Variants in ERC1 observed in about 807,000 individuals in gnomAD.
The protein encoded by ERC1 is RAB6 interacting protein 2.
A neutral mutation model predicts 132.0 loss-of-function variants in ERC1; 56 were observed. That is an observed-to-expected ratio of 0.42 (90% CI 0.34 to 0.53). The LOEUF (loss-of-function observed/expected upper bound fraction) is 0.53, where lower values mean the gene tolerates loss of function less well. ERC1 is among the 20% of genes least tolerant of loss of function. ERC1 has a pLI of 0.03. For synonymous variants in ERC1, 478 were observed against 476.1 expected (o/e 1.00, Z -0.05); for missense variants, 1,202 against 1,349.9 (o/e 0.89, Z 1.72).
intron 1 of ERC1, among the ~76,000 whole-genome samples, chr12:997,504 C>T (rs1961173146): frequency 3.3e-5 from 5 of 152,122 alleles, no homozygotes. Context: ...GTTTGAGGAA[C>T]TTGGTGTTAG....
At chr12:1,464,522 T>TC (rs1453484450) in intron 18 of ERC1, among the ~76,000 whole-genome samples, 1 of 135,816 alleles carries the variant, frequency 7.4e-6, no homozygotes, top group Non-Finnish European at 1.5e-5. Flanking sequence ...TTTTTTTTTT[T>TC]TTTTTTTTTT....
At chr12:1,340,423 C>T (rs1280017051) in intron 15 of ERC1, among the ~76,000 whole-genome samples, 2 of 152,166 alleles carry the variant, frequency 1.3e-5, no homozygotes, top group East Asian at 1.9e-4. Context: ...CCTCAGCTGA[C>T]GCGCTGCCCT....
intron 2 of ERC1, among the ~76,000 whole-genome samples, chr12:1,059,677 G>A (rs1003885654): frequency 2.0e-5 from 3 of 151,912 alleles, no homozygotes; most frequent in African/African-American, 4.8e-5. Context: ...TGCATCCCTG[G>A]GATAAATCCC....
At chr12:1,393,383 A>G (rs2090141816) in intron 16 of ERC1, among the ~76,000 whole-genome samples, 1 of 152,038 alleles carries the variant, frequency 6.6e-6, no homozygotes, top group East Asian at 1.9e-4. Flanking sequence ...AAAATTTTAA[A>G]AATTAGCTGG....
At chr12:1,002,812 T>C (rs973237466) in intron 1 of ERC1, among the ~76,000 whole-genome samples, 1 of 152,190 alleles carries the variant, frequency 6.6e-6, no homozygotes, top group African/African-American at 2.4e-5. Context: ...AGGAAACCTT[T>C]TGTGAAATGC....
intron 7 of ERC1, among the ~76,000 whole-genome samples, chr12:1,136,097 C>T (rs1949224896): frequency 1.3e-5 from 2 of 152,182 alleles, no homozygotes; most frequent in South Asian, 4.1e-4. Flanking sequence ...ACCTGGGAAC[C>T]CATGTTTGAC....
chr12:1,310,110 G>A (rs2081191262), intron 15 of ERC1, among the ~76,000 whole-genome samples: 1 of 151,514 alleles, frequency 6.6e-6, no homozygotes, highest in South Asian at 2.1e-4. Flanking sequence ...ACCATGCCTG[G>A]CTAATTTTTT....
At chr12:1,137,100 C>CTTTTTTTTTTTTTTTTTTTTTTCTT (rs944757047) in intron 7 of ERC1, among the ~76,000 whole-genome samples, 1 of 122,914 alleles carries the variant, frequency 8.1e-6, no homozygotes, top group African/African-American at 3.1e-5. Context: ...TTTTTCTTTT[C>CTTTTTTTTTTTTTTTTTTTTTTCTT]TTTTTTTTTT....
chr12:1,138,387 A>G (rs1949561205), intron 7 of ERC1, among the ~76,000 whole-genome samples: 1 of 143,494 alleles, frequency 7.0e-6, no homozygotes, highest in African/African-American at 2.6e-5. Context: ...ATAATATGTA[A>G]TACATAATAT....
chr12:1,139,961 T>C (rs1949717589), intron 7 of ERC1, among the ~76,000 whole-genome samples: 1 of 152,166 alleles, frequency 6.6e-6, no homozygotes, highest in Admixed American at 6.5e-5. Context: ...AGGTTAACTA[T>C]GTATATTAAA....
Position 1,183,399 on chromosome 12 carries a change from A to G in ERC1, c.2135A>G (p.Lys712Arg). 1.3e-6 allele frequency: 2 copies of G among 1,576,406 alleles called. No homozygotes were observed. The highest frequency in any genetic ancestry group is 1.7e-6 in the Non-Finnish European group (2 of 1,156,072). Residue 712 changes from lysine to arginine, a missense_variant, in exon 11 of 19, where the codon AAA becomes AGA. Physicochemically the swap from Lys to Arg is conservative, Grantham distance 26. Coordinates refer to ENST00000360905, the MANE Select transcript of ERC1 (RefSeq NM_178040.4). ...ALEQKKEECL[K>R]MESQLKKAHE... Reference sequence around the variant, plus strand: ...GAGCAGAAGAAGGAGGAGTGTCTGAAAATGGAATCACAATTGAAAAAGGTT... The same window carrying G: ...GAGCAGAAGAAGGAGGAGTGTCTGAGAATGGAATCACAATTGAAAAAGGTT...
intron 2 of ERC1, among the ~76,000 whole-genome samples, chr12:1,036,374 CTTT>C (rs759834824): frequency 2.9e-5 from 4 of 136,180 alleles, no homozygotes; most frequent in Non-Finnish European, 3.2e-5. Flanking sequence ...ATTAAATAAA[CTTT>C]TTTTTTTTTT....
At chr12:1,282,111 T>TA (rs2078720303) in intron 14 of ERC1, among the ~76,000 whole-genome samples, 1 of 152,114 alleles carries the variant, frequency 6.6e-6, no homozygotes, top group Admixed American at 6.5e-5. Context: ...CACTCTCTTT[T>TA]AAAAAGAGTG....
chr12:1,359,105 C>T (rs948572751), intron 15 of ERC1, among the ~76,000 whole-genome samples: 1 of 152,152 alleles, frequency 6.6e-6, no homozygotes. Flanking sequence ...GCCCTCAAAA[C>T]TTTGACCAAG....
At chr12:1,246,886 A>G (rs1420055776) in intron 13 of ERC1, among the ~76,000 whole-genome samples, 1 of 152,222 alleles carries the variant, frequency 6.6e-6, no homozygotes, top group Middle Eastern at 3.2e-3. Context: ...ACAAGGAAAG[A>G]CTGAGCAGTT....
chr12:992,818 A>G (rs1959886801), intron 1 of ERC1, among the ~76,000 whole-genome samples: 1 of 152,236 alleles, frequency 6.6e-6, no homozygotes. Context: ...ATGGACATGT[A>G]TTATGTAATG....
chr12:1,042,379 C>T (rs897763435), intron 2 of ERC1, among the ~76,000 whole-genome samples: 4 of 121,992 alleles, frequency 3.3e-5, no homozygotes, highest in South Asian at 2.8e-4. Flanking sequence ...TGGAGTTTAG[C>T]TCTGTTGCCC....
intron 18 of ERC1, among the ~76,000 whole-genome samples, chr12:1,450,788 C>G (rs1296222608): frequency 6.6e-6 from 1 of 152,214 alleles, no homozygotes; most frequent in African/African-American, 2.4e-5. Context: ...TCCAGTTTCT[C>G]CATATCCCGG....
intron 1 of ERC1, among the ~76,000 whole-genome samples, chr12:1,016,323 A>G (rs1965492033): frequency 6.6e-6 from 1 of 152,194 alleles, no homozygotes. Flanking sequence ...CTGTGTTGCT[A>G]TTAAAGAATT....
Sources: allele counts gnomAD v4.1 joint callset (sites outside exome capture counted in the v4.1 genomes callset), GRCh38; gene constraint gnomAD v4.1.1; transcripts MANE v1.5; gene names NCBI Gene and HGNC (gene_info 2026-07-23, HGNC 2026-07-21).